The following UBE2B variants were observed in gnomAD, a reference collection of about 807,000 sequenced individuals.
The protein encoded by UBE2B is ubiquitin-conjugating enzyme E2 B.
A neutral mutation model predicts 24.6 loss-of-function variants in UBE2B; 11 were observed. The ratio of observed to expected loss-of-function variants is 0.45; its 90% CI spans 0.28 to 0.74. The LOEUF is 0.74. Ranked by LOEUF, UBE2B falls within the 30% of genes least tolerant of loss-of-function variation. UBE2B has a pLI of 0.13. For synonymous variants in UBE2B, 68 were observed against 62.4 expected, an observed-to-expected ratio of 1.09 and a Z score of -0.42; for missense variants, 78 against 185.6, an observed-to-expected ratio of 0.42 and a Z score of 3.37.
chr5:134,388,207 G>T (rs1357834721), intron 4 of UBE2B, 118 bp from the exon 5 acceptor site: 10 of 807,156 alleles, frequency 1.2e-5, no homozygotes, highest in African/African-American at 8.5e-5. Context: ...TGATACAGAA[G>T]AATTTAGTTA....
intron 4 of UBE2B, among the ~76,000 whole-genome samples, chr5:134,383,859 G>A (rs888197351): frequency 6.6e-6 from 1 of 151,966 alleles, no homozygotes; most frequent in African/African-American, 2.4e-5. Context: ...TTTTAAACGT[G>A]GGGATTACTG....
chr5:134,373,427 G>A (rs982259896), intron 1 of UBE2B, among the ~76,000 whole-genome samples: 5 of 151,580 alleles, frequency 3.3e-5, no homozygotes, highest in Non-Finnish European at 1.5e-5. Context: ...TGCTTTTGAG[G>A]TTTTAAACTT....
chr5:134,380,898 A>T, intron 4 of UBE2B, 90 bp downstream of exon 4: 3 of 674,878 alleles, frequency 4.4e-6, no homozygotes, highest in African/African-American at 1.9e-5. Context: ...TTTTACTGTT[A>T]GGGCTCACTT....
intron 1 of UBE2B, 129 bp downstream of exon 1, chr5:134,371,768 G>A: frequency 2.1e-6 from 3 of 1,416,262 alleles, no homozygotes; most frequent in Non-Finnish European, 2.9e-6. Context: ...ACTGGCGGAA[G>A]CCGGGTCCTA....
intron 4 of UBE2B, among the ~76,000 whole-genome samples, chr5:134,383,551 C>T (rs1287612518): frequency 2.9e-5 from 4 of 137,222 alleles, no homozygotes; most frequent in Admixed American, 8.2e-5. Context: ...GGCATGATCT[C>T]GGCTCACGGC....
intron 2 of UBE2B, among the ~76,000 whole-genome samples, chr5:134,376,342 A>AT (rs1376745044): frequency 0.023 from 153 of 6,600 alleles, no homozygotes; most frequent in Middle Eastern, 0.062. Context: ...AAAAAAAAAA[A>AT]AAAAAAATAT....
chr5:134,389,191 G>T, intron 5 of UBE2B: 1 of 169,126 alleles, frequency 5.9e-6, no homozygotes. Context: ...CTCATGATCC[G>T]CCCGTCTGAG....
intron 4 of UBE2B, among the ~76,000 whole-genome samples, chr5:134,382,854 A>G (rs374563453): frequency 2.0e-5 from 3 of 151,994 alleles, no homozygotes; most frequent in Non-Finnish European, 4.4e-5. Flanking sequence ...TTTTTAATAT[A>G]CTGTGAACAT....
chr5:134,382,886 G>A (rs1185862842), intron 4 of UBE2B, among the ~76,000 whole-genome samples: 1 of 151,964 alleles, frequency 6.6e-6, no homozygotes, highest in Non-Finnish European at 1.5e-5. Flanking sequence ...AATATTCTGG[G>A]CTGAGTGCAG....
chr5:134,377,664 C>G (rs764702477), intron 3 of UBE2B, among the ~76,000 whole-genome samples: 1 of 151,892 alleles, frequency 6.6e-6, no homozygotes, highest in African/African-American at 2.4e-5. Flanking sequence ...CCTTTTTTCT[C>G]TACATCAAGG....
chr5:134,372,434 A>C (rs1050435290), intron 1 of UBE2B, among the ~76,000 whole-genome samples: 1 of 152,192 alleles, frequency 6.6e-6, no homozygotes, highest in Non-Finnish European at 1.5e-5. Flanking sequence ...TGAGATAGAA[A>C]ATGATTATTC....
intron 5 of UBE2B, among the ~76,000 whole-genome samples, chr5:134,388,706 G>A (rs1044405905): frequency 1.1e-4 from 16 of 152,114 alleles, no homozygotes; most frequent in Non-Finnish European, 2.9e-5. Context: ...ACTGCCAAGT[G>A]TAGATAAGCA....
chr5:134,382,773 CAA>C (rs879574737), intron 4 of UBE2B, among the ~76,000 whole-genome samples: 5 of 125,536 alleles, frequency 4.0e-5, no homozygotes. Flanking sequence ...GACCCTATCT[CAA>C]AAAAAAAAAA....
intron 3 of UBE2B, 140 bp downstream of exon 3, chr5:134,376,834 T>G: frequency 1.4e-6 from 1 of 734,286 alleles, no homozygotes; most frequent in Non-Finnish European, 2.2e-6. Flanking sequence ...AAATTTATAC[T>G]TCATAAGGGA....
At chr5:134,372,116 T>C (rs534539053) in intron 1 of UBE2B, among the ~76,000 whole-genome samples, 21 of 152,212 alleles carry the variant, frequency 1.4e-4, no homozygotes, top group Non-Finnish European at 2.9e-4. Context: ...CTGCCAATCC[T>C]TTCCATTTGT....
intron 4 of UBE2B, among the ~76,000 whole-genome samples, chr5:134,387,402 AC>A (rs1758825534): frequency 6.6e-6 from 1 of 152,258 alleles, no homozygotes; most frequent in African/African-American, 2.4e-5. Flanking sequence ...ATTTAGAAAT[AC>A]GGAATTTAAA....
chr5:134,373,931 G>A (rs1189751183), intron 1 of UBE2B, among the ~76,000 whole-genome samples: 1 of 152,166 alleles, frequency 6.6e-6, no homozygotes, highest in African/African-American at 2.4e-5. Flanking sequence ...TGTGAGTAGT[G>A]CCGCAATAAA....
rs1052934540 is a variant in UBE2B, at chr5:134,390,590, T to C, written c.*237T>C. ...TGTAATATATCCTGTTTGTATTTTTTTCCAAGTGTATAATGTTGGTGTGGA... is the reference window on the plus strand; with the variant it reads ...TGTAATATATCCTGTTTGTATTTTTCTCCAAGTGTATAATGTTGGTGTGGA... On this transcript the variant is annotated 3_prime_UTR_variant, in exon 6 of 6. Coordinates refer to ENST00000265339, the MANE Select transcript of UBE2B (RefSeq NM_003337.4). This position sits in a 1 kb window ranked among gnomAD's most constrained non-coding sequence, Gnocchi z 4.6. The C allele has an allele frequency of 6.7e-6, 3 of 447,540 alleles. No individual in the cohort carries two copies. The highest frequency in any genetic ancestry group is 1.2e-5 in the Non-Finnish European group (3 of 248,314). The allele number at this position is 447,540 out of a possible 1,614,324, so 27.7% of individuals were successfully genotyped here.
At chr5:134,375,641 A>G (rs988869394) in intron 2 of UBE2B, among the ~76,000 whole-genome samples, 3 of 150,920 alleles carry the variant, frequency 2.0e-5, no homozygotes, top group African/African-American at 4.9e-5. Context: ...CTGAAAATAC[A>G]AAAAAAAATT....
Sources: allele counts gnomAD v4.1 joint callset (sites outside exome capture counted in the v4.1 genomes callset), GRCh38; gene constraint gnomAD v4.1.1; non-coding constraint Gnocchi (gnomAD v3.1); transcripts MANE v1.5; gene names NCBI Gene and HGNC (gene_info 2026-07-23, HGNC 2026-07-21).